The following TPH2 variants were observed in gnomAD, a reference collection of about 807,000 sequenced individuals.
TPH2 encodes tryptophan 5-hydroxylase 2.
In TPH2, 27 loss-of-function variants were observed where a neutral mutation model predicts 59.1. That is an observed-to-expected ratio of 0.46 (90% confidence interval 0.34 to 0.63). TPH2 has a LOEUF of 0.63. TPH2 is among the 30% of genes least tolerant of loss of function. TPH2 has a pLI of 0.01. For missense variants in TPH2, 523 were observed against 588.3 expected, an observed-to-expected ratio of 0.89 and a Z score of 1.15; for synonymous variants, 220 against 210.5, an observed-to-expected ratio of 1.05 and a Z score of -0.39.
intron 7 of TPH2, among the ~76,000 whole-genome samples, chr12:71,989,985 T>A (rs1454321309): frequency 6.6e-6 from 1 of 151,682 alleles, no homozygotes; most frequent in African/African-American, 2.4e-5. Flanking sequence ...GGAGACATGA[T>A]GTTTTACAGT....
chr12:71,939,552 A>G (rs1296099795), intron 1 of TPH2, among the ~76,000 whole-genome samples: 1 of 152,216 alleles, frequency 6.6e-6, no homozygotes, highest in Non-Finnish European at 1.5e-5. Context: ...TGGTCTTTAA[A>G]CATAGAACTA....
chr12:72,020,395 T>C (rs568050131), intron 8 of TPH2, among the ~76,000 whole-genome samples: 22 of 152,282 alleles, frequency 1.4e-4, no homozygotes, highest in African/African-American at 5.1e-4. Context: ...TGTAAAGAAG[T>C]GTTTCATAGA....
intron 8 of TPH2, among the ~76,000 whole-genome samples, chr12:72,008,521 T>C (rs1234853595): frequency 6.6e-6 from 1 of 152,198 alleles, no homozygotes; most frequent in Non-Finnish European, 1.5e-5. Context: ...AGTCTCACAA[T>C]GGCACTTCAA....
chr12:72,009,861 T>C (rs1289396773), intron 8 of TPH2, among the ~76,000 whole-genome samples: 1 of 152,178 alleles, frequency 6.6e-6, no homozygotes, highest in Non-Finnish European at 1.5e-5. Context: ...GTTCAGTCAC[T>C]CTGGGGACAG....
chr12:71,971,096 G>A (rs74363871), intron 5 of TPH2, among the ~76,000 whole-genome samples: 1 of 152,152 alleles, frequency 6.6e-6, no homozygotes, highest in South Asian at 2.1e-4. Flanking sequence ...TCTTGTTATA[G>A]TCCTCTATCT....
chr12:72,011,542 C>T (rs1873098916), intron 8 of TPH2, among the ~76,000 whole-genome samples: 1 of 152,166 alleles, frequency 6.6e-6, no homozygotes, highest in Admixed American at 6.5e-5. Context: ...GGCTGTGAGG[C>T]ACTTTGGAGC....
chr12:71,978,957 T>C lies in TPH2; in HGVS notation c.811T>C (p.Ser271Pro). ...TTTTTCTGTTGCCTTTTTAGAAAGG[T>C]CTGGCTTCACGGTGAGGCCGGTGGC... ...EDVSMFLKER[S>P]GFTVRPVAGY... The change falls in exon 7 of 11, where the codon TCT (serine) becomes CCT (proline). Residue 271 changes from serine (S) to proline (P), a missense_variant. Coordinates refer to ENST00000333850, the MANE Select transcript of TPH2 (RefSeq NM_173353.4). The C allele has an allele frequency of 6.2e-7, 1 of 1,614,140 alleles. No homozygotes were observed. Among genetic ancestry groups the C allele is most frequent in the Non-Finnish European group, 8.5e-7 (1 of 1,180,002 alleles).
chr12:72,018,497 TTG>T (rs531413593), intron 8 of TPH2, among the ~76,000 whole-genome samples: 91 of 152,326 alleles, frequency 6.0e-4, no homozygotes, highest in African/African-American at 2.1e-3. Context: ...TTAGCGTGTT[TTG>T]GTTCAGATCA....
At chr12:71,994,331 CTAAT>C in intron 7 of TPH2, 104 bp from the exon 8 acceptor site, 1 of 1,209,022 alleles carries the variant, frequency 8.3e-7, no homozygotes, top group Non-Finnish European at 1.2e-6. Flanking sequence ...ACTGTAGTAA[CTAAT>C]TAATTACAGT....
chr12:72,004,479 TC>T (rs1273297616), intron 8 of TPH2, among the ~76,000 whole-genome samples: 1 of 138,902 alleles, frequency 7.2e-6, no homozygotes, highest in African/African-American at 2.6e-5. Flanking sequence ...TCATTTTAAG[TC>T]CCCCAATTCT....
At chr12:71,979,273 G>A (rs1194818028) in intron 7 of TPH2, among the ~76,000 whole-genome samples, 186 bp downstream of exon 7, 1 of 152,180 alleles carries the variant, frequency 6.6e-6, no homozygotes, top group Non-Finnish European at 1.5e-5. Flanking sequence ...GTCCGTGGGG[G>A]CCCCTGATAT....
At chr12:72,018,807 G>A (rs1873331179) in intron 8 of TPH2, among the ~76,000 whole-genome samples, 1 of 152,118 alleles carries the variant, frequency 6.6e-6, no homozygotes, top group Non-Finnish European at 1.5e-5. Context: ...CCATTATTTG[G>A]TTGTGAAGGA....
intron 8 of TPH2, among the ~76,000 whole-genome samples, chr12:72,002,833 A>G (rs1487913166): frequency 6.6e-6 from 1 of 152,050 alleles, no homozygotes; most frequent in Non-Finnish European, 1.5e-5. Flanking sequence ...CTTGATTAAA[A>G]CAAATAATTT....
intron 7 of TPH2, among the ~76,000 whole-genome samples, chr12:71,982,798 G>T (rs1173912439): frequency 6.6e-6 from 1 of 152,216 alleles, no homozygotes; most frequent in Non-Finnish European, 1.5e-5. Flanking sequence ...GGTGAGCACT[G>T]AAGACCCAGG....
intron 5 of TPH2, 69 bp downstream of exon 5, chr12:71,949,724 C>T (rs951946390): frequency 8.4e-6 from 11 of 1,316,078 alleles, no homozygotes; most frequent in East Asian, 2.3e-5. Context: ...TTAAACAAAC[C>T]TGTCATCTCT....
At chr12:71,991,692 C>A (rs1404774056) in intron 7 of TPH2, among the ~76,000 whole-genome samples, 1 of 152,084 alleles carries the variant, frequency 6.6e-6, no homozygotes, top group East Asian at 1.9e-4. Flanking sequence ...AGAATGAGTC[C>A]ATAGGGTCCA....
chr12:72,030,096 G>A (rs1015911682), intron 9 of TPH2, among the ~76,000 whole-genome samples: 1 of 152,232 alleles, frequency 6.6e-6, no homozygotes, highest in East Asian at 1.9e-4. Context: ...TGATTGCTGA[G>A]GTTACCCAGT....
At chr12:71,982,013 G>GTTTTTT (rs1468983565) in intron 7 of TPH2, among the ~76,000 whole-genome samples, 1 of 55,672 alleles carries the variant, frequency 1.8e-5, no homozygotes, top group Non-Finnish European at 4.1e-5. Flanking sequence ...CATATCATTC[G>GTTTTTT]TATTTTTTTT....
intron 5 of TPH2, among the ~76,000 whole-genome samples, chr12:71,967,927 C>A (rs575223612): frequency 4.0e-4 from 61 of 152,268 alleles, no homozygotes; most frequent in African/African-American, 1.5e-3. Context: ...CCCTCTCCCG[C>A]AGTTATTTGG....
Sources: gnomAD v4.1 joint callset for allele counts (sites outside exome capture counted in the v4.1 genomes callset) on GRCh38, gnomAD v4.1.1 for gene constraint, MANE v1.5 for transcripts, NCBI Gene and HGNC (gene_info 2026-07-23, HGNC 2026-07-21) for gene names.